Variants in PPP1R42 observed in about 807,000 individuals in gnomAD.
The protein encoded by PPP1R42 is protein phosphatase 1 regulatory subunit 42.
In PPP1R42, 34 loss-of-function variants were observed where a neutral mutation model predicts 31.0. The ratio of observed to expected loss-of-function variants is 1.10; its 90% confidence interval spans 0.83 to 1.46. The LOEUF (loss-of-function observed/expected upper bound fraction) is 1.46, where lower values mean the gene tolerates loss of function less well. PPP1R42 is among the 40% of genes most tolerant of loss of function. PPP1R42 has a pLI of 0.00. For synonymous variants in PPP1R42, 103 were observed against 109.8 expected, an observed-to-expected ratio of 0.94 and a Z score of 0.39; for missense variants, 268 against 303.0, an observed-to-expected ratio of 0.88 and a Z score of 0.86.
intron 7 of PPP1R42, among the ~76,000 whole-genome samples, chr8:66,976,914 G>A (rs1195672711): frequency 6.6e-6 from 1 of 152,090 alleles, no homozygotes; most frequent in Non-Finnish European, 1.5e-5. Context: ...CCTTTGGATA[G>A]ATGGTCAGTA....
rs759695293 is a variant in PPP1R42 at position 67,014,423 on chromosome 8, T to TA, written c.296+2dup. The TA allele has an allele frequency of 1.8e-5, 27 of 1,473,766 alleles. No individual in the cohort carries two copies. The highest frequency in any genetic ancestry group is 7.4e-5 in the Admixed American group (3 of 40,270). 91.3% of individuals were successfully genotyped at this position (1,473,766 alleles called of 1,614,324 possible). A position where few individuals can be genotyped will look rare whatever the true frequency, so the allele number is the denominator to read the frequency against. ...TACATTATTAAAAAATAAAAGCACT[T>TA]ACAGTTTTTCCAGTTTCTTTAATGA... On this transcript the variant is annotated splice_region_variant and intron_variant, in intron 3 of 7. Transcript: ENST00000685739.
intron 1 of PPP1R42, among the ~76,000 whole-genome samples, chr8:67,024,567 C>T (rs180789048): frequency 1.1e-3 from 170 of 151,900 alleles, no homozygotes; most frequent in African/African-American, 4.0e-3. Flanking sequence ...CTCCCCATCC[C>T]GGGTTCAAGT....
At chr8:67,003,449 T>C (rs1320460667) in intron 5 of PPP1R42, among the ~76,000 whole-genome samples, 1 of 151,170 alleles carries the variant, frequency 6.6e-6, no homozygotes. Flanking sequence ...TTTGTGGTTC[T>C]TGTTTGCTGT....
chr8:66,975,630 A>G (rs779227351), intron 7 of PPP1R42, among the ~76,000 whole-genome samples: 1 of 152,160 alleles, frequency 6.6e-6, no homozygotes, highest in Non-Finnish European at 1.5e-5. Flanking sequence ...TGGGTGACAG[A>G]GTGATACTCT....
rs146266377 is a variant in PPP1R42, at chr8:67,026,444, T to G, written c.-85+2047A>C. Among the ~76,000 whole-genome samples the G allele has an allele frequency of 5.3e-4, 81 of 152,294 alleles. 1 individual carries two copies. The highest frequency in any genetic ancestry group is 1.6e-3 in the African/African-American group (65 of 41,564). ...CTGTAAAAACATTTGTTTGTACAGC[T>G]TTTCCTTGGCTTCAGCTTCTAGTCC... On this transcript the variant is annotated intron_variant, in intron 1 of 7. Coordinates refer to ENST00000685739, the MANE Select transcript of PPP1R42 (RefSeq NM_001364910.1).
intron 3 of PPP1R42, 36 bp from the exon 4 acceptor site, chr8:67,013,132 T>G (rs370243597): frequency 2.4e-5 from 37 of 1,530,462 alleles, no homozygotes; most frequent in Non-Finnish European, 3.2e-5. Context: ...ACAGACATTC[T>G]GAGAATGTCA....
At chr8:66,978,000 T>C (rs1814726082) in intron 7 of PPP1R42, among the ~76,000 whole-genome samples, 1 of 152,216 alleles carries the variant, frequency 6.6e-6, no homozygotes, top group Non-Finnish European at 1.5e-5. Flanking sequence ...ATAGTGGTTG[T>C]ACAACTTTAC....
chr8:66,974,425 A>G (rs530331621), intron 7 of PPP1R42, among the ~76,000 whole-genome samples: 88 of 152,234 alleles, frequency 5.8e-4, no homozygotes, highest in African/African-American at 1.9e-3. Context: ...GTGGTGGTAC[A>G]TGCCTGTAAT....
intron 5 of PPP1R42, among the ~76,000 whole-genome samples, chr8:67,008,050 C>A (rs1815738820): frequency 6.6e-6 from 1 of 151,824 alleles, no homozygotes; most frequent in African/African-American, 2.4e-5. Flanking sequence ...CCATGCACGG[C>A]TAATTTTTTG....
chr8:67,020,268 T>C (rs1033046309), intron 1 of PPP1R42, among the ~76,000 whole-genome samples: 2 of 152,120 alleles, frequency 1.3e-5, no homozygotes, highest in African/African-American at 4.8e-5. Flanking sequence ...AATGGCGCGA[T>C]CTCGGCTCAC....
At chr8:66,989,069 A>G (rs911201757) in intron 5 of PPP1R42, among the ~76,000 whole-genome samples, 7 of 152,152 alleles carry the variant, frequency 4.6e-5, no homozygotes, top group African/African-American at 1.7e-4. Flanking sequence ...GCTGTTATGT[A>G]TCCTTCTAAT....
At chr8:67,004,383 A>G (rs1473184266) in intron 5 of PPP1R42, among the ~76,000 whole-genome samples, 2 of 152,230 alleles carry the variant, frequency 1.3e-5, no homozygotes, top group Non-Finnish European at 2.9e-5. Flanking sequence ...TAGCAGCAAA[A>G]ATGGACTAAG....
At chr8:66,981,827 T>C (rs1435095705) in intron 7 of PPP1R42, among the ~76,000 whole-genome samples, 1 of 152,210 alleles carries the variant, frequency 6.6e-6, no homozygotes, top group Non-Finnish European at 1.5e-5. Flanking sequence ...ACACAGCTGT[T>C]GTTCACAGTG....
chr8:67,016,607 CT>C (rs996836372), intron 2 of PPP1R42, among the ~76,000 whole-genome samples: 1 of 152,164 alleles, frequency 6.6e-6, no homozygotes, highest in Non-Finnish European at 1.5e-5. Context: ...CTGTTAAACT[CT>C]TTTTTTCTTG....
intron 2 of PPP1R42, among the ~76,000 whole-genome samples, chr8:67,015,611 T>A (rs1314028449): frequency 6.6e-6 from 1 of 151,588 alleles, no homozygotes; most frequent in African/African-American, 2.4e-5. Flanking sequence ...TTTTTTTTTT[T>A]TTTTTGAAAC....
chr8:67,010,073 C>T (rs758875565), intron 5 of PPP1R42, among the ~76,000 whole-genome samples: 2 of 152,158 alleles, frequency 1.3e-5, no homozygotes, highest in Non-Finnish European at 2.9e-5. Context: ...AGGGCTATCA[C>T]AATACTTATA....
chr8:66,992,740 T>C (rs1161447297), intron 5 of PPP1R42, among the ~76,000 whole-genome samples: 2 of 152,180 alleles, frequency 1.3e-5, no homozygotes, highest in Non-Finnish European at 2.9e-5. Context: ...ACTTAGACCC[T>C]TTATAGAAAA....
At chr8:66,970,286 A>G (rs1206432753) in intron 7 of PPP1R42, among the ~76,000 whole-genome samples, 1 of 150,968 alleles carries the variant, frequency 6.6e-6, no homozygotes, top group Non-Finnish European at 1.5e-5. Context: ...ACGCACCACC[A>G]TGTCCAGCTA....
chr8:66,966,377 C>G (rs1814379685), intron 7 of PPP1R42, among the ~76,000 whole-genome samples: 1 of 152,200 alleles, frequency 6.6e-6, no homozygotes, highest in Non-Finnish European at 1.5e-5. Flanking sequence ...CCTAGCCCTG[C>G]TCATGGCAAC....
Sources: allele counts gnomAD v4.1 joint callset (sites outside exome capture counted in the v4.1 genomes callset), GRCh38; gene constraint gnomAD v4.1.1; transcripts MANE v1.5; gene names NCBI Gene and HGNC (gene_info 2026-07-23, HGNC 2026-07-21).